Variants in TRAPPC12 observed in about 807,000 individuals in gnomAD.
TRAPPC12 encodes the protein TPR repeat protein 15.
A neutral mutation model predicts 69.2 loss-of-function variants in TRAPPC12; 61 were observed. The observed-to-expected ratio is 0.88, with a 90% CI of 0.72 to 1.09. The LOEUF (loss-of-function observed/expected upper bound fraction) is 1.09. TRAPPC12 is among the 50% of genes least tolerant of loss of function. The pLI is 0.00. For synonymous variants in TRAPPC12, 469 were observed against 438.9 expected, an observed-to-expected ratio of 1.07 and a Z score of -0.86; for missense variants, 1,101 against 1,016.4, an observed-to-expected ratio of 1.08 and a Z score of -1.13.
At chr2:3,398,092 C>T (rs1197422113) in intron 2 of TRAPPC12, among the ~76,000 whole-genome samples, 1 of 152,228 alleles carries the variant, frequency 6.6e-6, no homozygotes, top group Non-Finnish European at 1.5e-5. Context: ...ATTACTGCTG[C>T]TTTTTATTCA....
chr2:3,405,935 G>C (rs984745680), intron 3 of TRAPPC12, among the ~76,000 whole-genome samples: 1 of 152,132 alleles, frequency 6.6e-6, no homozygotes, highest in Non-Finnish European at 1.5e-5. Flanking sequence ...TTCCCATAGG[G>C]AAGCTGCTTG....
At chr2:3,415,096 T>C (rs1662297263) in intron 3 of TRAPPC12, among the ~76,000 whole-genome samples, 1 of 152,160 alleles carries the variant, frequency 6.6e-6, no homozygotes, top group Non-Finnish European at 1.5e-5. Flanking sequence ...TGCTTGTGTT[T>C]ATGCATATGT....
chr2:3,393,619 A>G (rs893647848), intron 2 of TRAPPC12, among the ~76,000 whole-genome samples: 3 of 152,048 alleles, frequency 2.0e-5, no homozygotes, highest in African/African-American at 7.2e-5. Context: ...TACCTTGAAT[A>G]TATATAATTT....
chr2:3,415,939 A>G (rs902836981), intron 3 of TRAPPC12, among the ~76,000 whole-genome samples: 8 of 146,592 alleles, frequency 5.5e-5, no homozygotes, highest in Non-Finnish European at 9.0e-5. Context: ...GATGGTCTCG[A>G]TCTCCTGACC....
chr2:3,394,087 A>G (rs1390134038), intron 2 of TRAPPC12, among the ~76,000 whole-genome samples: 2 of 152,120 alleles, frequency 1.3e-5, no homozygotes, highest in African/African-American at 4.8e-5. Context: ...GATTGACTCT[A>G]CCTTCCTCAA....
intron 5 of TRAPPC12, among the ~76,000 whole-genome samples, chr2:3,433,601 T>G (rs2103077528): frequency 6.6e-6 from 1 of 152,354 alleles, no homozygotes; most frequent in Middle Eastern, 3.4e-3. Flanking sequence ...ATGTCATCTT[T>G]GTTCCCTTTC....
At position 3,477,768 on chromosome 2, in the gene TRAPPC12, A is replaced by G. The variant is rs375476857; in HGVS notation, c.1850A>G (p.Gln617Arg). ...GTAACACAGAAATTAGATGGACTAC[A>G]GGGTAAAATCATGGTTTTGATGAAC... ...EKVTQKLDGLQGKIMVLMNSA... is the reference protein window; with the variant it reads ...EKVTQKLDGLRGKIMVLMNSA... The change falls in exon 10 of 12, where the codon CAG becomes CGG. Residue 617 changes from glutamine to arginine, a missense_variant. Gln to Arg is a conservative substitution (Grantham distance 43). Coordinates refer to ENST00000324266, the MANE Select transcript of TRAPPC12 (RefSeq NM_016030.6). 1.9e-6 allele frequency: 3 copies of G among 1,603,382 alleles called. No homozygotes were observed. The highest frequency in any genetic ancestry group is 2.6e-6 in the Non-Finnish European group (3 of 1,175,894).
chr2:3,427,963 A>T (rs973951070), intron 5 of TRAPPC12, among the ~76,000 whole-genome samples: 1 of 151,942 alleles, frequency 6.6e-6, no homozygotes, highest in Admixed American at 6.6e-5. Flanking sequence ...AATGCCCAAC[A>T]TCGCCTTGTG....
intron 1 of TRAPPC12, among the ~76,000 whole-genome samples, chr2:3,384,117 A>G (rs1660382567): frequency 6.6e-6 from 1 of 151,770 alleles, no homozygotes; most frequent in African/African-American, 2.4e-5. Context: ...GCTGGTCTTG[A>G]ACTTCTGACC....
chr2:3,431,687 T>G (rs1423962465), intron 5 of TRAPPC12, among the ~76,000 whole-genome samples: 2 of 152,222 alleles, frequency 1.3e-5, no homozygotes, highest in Admixed American at 6.5e-5. Context: ...AGGGATTATA[T>G]CCATGAAAAT....
intron 2 of TRAPPC12, chr2:3,389,565 T>C (rs1483608423): frequency 2.3e-6 from 1 of 431,436 alleles, no homozygotes; most frequent in South Asian, 1.7e-5. Flanking sequence ...TGCACACAGC[T>C]CTTTTCGACC....
At chr2:3,413,505 A>G (rs1481444605) in intron 3 of TRAPPC12, among the ~76,000 whole-genome samples, 1 of 152,252 alleles carries the variant, frequency 6.6e-6, no homozygotes, top group Non-Finnish European at 1.5e-5. Flanking sequence ...CACACGTTCA[A>G]TATCAAATTA....
intron 10 of TRAPPC12, among the ~76,000 whole-genome samples, chr2:3,478,507 G>A (rs1242881294): frequency 6.6e-6 from 1 of 152,176 alleles, no homozygotes; most frequent in Non-Finnish European, 1.5e-5. Context: ...GGTGGCAGTC[G>A]CCTGTAATCC....
intron 1 of TRAPPC12, 99 bp from the exon 2 acceptor site, chr2:3,387,521 T>C: frequency 7.2e-6 from 7 of 978,046 alleles, no homozygotes; most frequent in Non-Finnish European, 1.0e-5. Flanking sequence ...GCTGGAGAAA[T>C]GGAAGTCTGC....
intron 9 of TRAPPC12, chr2:3,467,533 T>C (rs1414740685): frequency 6.6e-6 from 1 of 152,246 alleles, no homozygotes; most frequent in Non-Finnish European, 1.5e-5. Context: ...GACGACTGCA[T>C]TGCCATCTGC....
intron 4 of TRAPPC12, among the ~76,000 whole-genome samples, chr2:3,422,698 C>A (rs1403751123): frequency 6.6e-6 from 1 of 152,186 alleles, no homozygotes; most frequent in Non-Finnish European, 1.5e-5. Context: ...TCTCTTCCCC[C>A]AAGAGCCGAC....
chr2:3,449,937 T>G (rs1436519909), intron 6 of TRAPPC12, among the ~76,000 whole-genome samples: 1 of 152,124 alleles, frequency 6.6e-6, no homozygotes, highest in East Asian at 1.9e-4. Context: ...TTCCCTGCTC[T>G]TTGCCATTGA....
intron 3 of TRAPPC12, among the ~76,000 whole-genome samples, chr2:3,408,897 C>T (rs754300792): frequency 2.0e-5 from 3 of 152,310 alleles, no homozygotes; most frequent in South Asian, 2.1e-4. Context: ...CACTCTGTGC[C>T]GCCCTGGATA....
intron 3 of TRAPPC12, 127 bp downstream of exon 3, chr2:3,402,020 T>C (rs1449681820): frequency 1.5e-6 from 1 of 650,234 alleles, no homozygotes; most frequent in Non-Finnish European, 2.6e-6. Context: ...TAGAATTTTG[T>C]TGGAGTAGAT....
Sources: allele counts gnomAD v4.1 joint callset (sites outside exome capture counted in the v4.1 genomes callset), GRCh38; gene constraint gnomAD v4.1.1; transcripts MANE v1.5; gene names NCBI Gene and HGNC (gene_info 2026-07-23, HGNC 2026-07-21).